Variants in RBFOX1 observed in about 807,000 individuals in gnomAD.
RBFOX1 encodes the protein RNA binding fox-1 homolog 1.
A neutral mutation model predicts 57.7 loss-of-function variants in RBFOX1; 8 were observed. The observed-to-expected ratio is 0.14, with a 90% confidence interval of 0.08 to 0.25. RBFOX1 has a LOEUF of 0.25. RBFOX1 is among the 10% of genes least tolerant of loss of function. RBFOX1 has a pLI of 1.00. For missense variants in RBFOX1, 611 were observed against 548.5 expected, an observed-to-expected ratio of 1.11 and a Z score of -1.14; for synonymous variants, 326 against 222.4, an observed-to-expected ratio of 1.47 and a Z score of -4.15.
At chr16:6,648,251 C>T (rs991244894) in intron 2 of RBFOX1, among the ~76,000 whole-genome samples, 1 of 151,842 alleles carries the variant, frequency 6.6e-6, no homozygotes, top group Non-Finnish European at 1.5e-5. Context: ...TGTAGAGACA[C>T]TGTCTCCCTA....
At chr16:6,550,319 G>A (rs1197160419) in intron 2 of RBFOX1, among the ~76,000 whole-genome samples, 3 of 152,104 alleles carry the variant, frequency 2.0e-5, no homozygotes, top group Admixed American at 1.3e-4. Flanking sequence ...TGGGTCTACA[G>A]GTGTGTGCCA....
chr16:7,685,431 C>T (rs956955942), intron 14 of RBFOX1, among the ~76,000 whole-genome samples: 1 of 152,036 alleles, frequency 6.6e-6, no homozygotes, highest in African/African-American at 2.4e-5. Context: ...ATGCTAACAT[C>T]GTGTCATTAA....
At chr16:5,631,834 A>C (rs1350505188) in intron 3 of RBFOX1, among the ~76,000 whole-genome samples, 2 of 152,204 alleles carry the variant, frequency 1.3e-5, no homozygotes, top group African/African-American at 4.8e-5. Context: ...TTACAAAGTC[A>C]AAATTTGGCC....
chr16:5,891,567 G>T (rs1208943294), intron 4 of RBFOX1, among the ~76,000 whole-genome samples: 1 of 152,188 alleles, frequency 6.6e-6, no homozygotes, highest in Non-Finnish European at 1.5e-5. Context: ...TAATTGGATG[G>T]ATGAGGTGGC....
chr16:6,596,989 G>C (rs539810499), intron 2 of RBFOX1, among the ~76,000 whole-genome samples: 1 of 152,140 alleles, frequency 6.6e-6, no homozygotes, highest in Non-Finnish European at 1.5e-5. Flanking sequence ...ATGAGCTCTC[G>C]AGAGGGGAAC....
intron 3 of RBFOX1, 84 bp downstream of exon 3, chr16:6,654,734 C>T (rs987547686): frequency 8.8e-6 from 9 of 1,017,988 alleles, no homozygotes; most frequent in Admixed American, 3.1e-5. Context: ...GCATGCCCCT[C>T]TCGATGATGG....
chr16:5,772,462 C>G (rs570479977), intron 3 of RBFOX1, among the ~76,000 whole-genome samples: 1 of 152,172 alleles, frequency 6.6e-6, no homozygotes, highest in Non-Finnish European at 1.5e-5. Flanking sequence ...CTTCTGCACT[C>G]TTGAGTTTAT....
At chr16:5,981,463 G>A (rs578011521) in intron 4 of RBFOX1, among the ~76,000 whole-genome samples, 3 of 152,210 alleles carry the variant, frequency 2.0e-5, no homozygotes, top group African/African-American at 7.2e-5. Flanking sequence ...GTTGTGTGAT[G>A]TTTTATTTTA....
At chr16:7,409,273 C>G (rs1436790179) in intron 4 of RBFOX1, among the ~76,000 whole-genome samples, 1 of 152,194 alleles carries the variant, frequency 6.6e-6, no homozygotes, top group Non-Finnish European at 1.5e-5. Flanking sequence ...GGAGCTTTGT[C>G]CGATCTGCCT....
intron 3 of RBFOX1, among the ~76,000 whole-genome samples, chr16:6,990,177 A>C (rs893393388): frequency 1.3e-5 from 2 of 152,210 alleles, no homozygotes; most frequent in Non-Finnish European, 1.5e-5. Context: ...GTGTTGAAGA[A>C]ATGAATGGAA....
chr16:7,289,639 A>G (rs2095722338), intron 4 of RBFOX1, among the ~76,000 whole-genome samples: 1 of 152,164 alleles, frequency 6.6e-6, no homozygotes, highest in Non-Finnish European at 1.5e-5. Flanking sequence ...CATGATCATG[A>G]TCATCATCAG....
At chr16:7,550,767 C>T (rs2086131142) in intron 5 of RBFOX1, among the ~76,000 whole-genome samples, 1 of 152,018 alleles carries the variant, frequency 6.6e-6, no homozygotes, top group Non-Finnish European at 1.5e-5. Context: ...CCTCAGTATC[C>T]ACAATGACTA....
intron 4 of RBFOX1, among the ~76,000 whole-genome samples, chr16:7,104,489 CAT>C (rs1231439439): frequency 2.0e-5 from 3 of 152,090 alleles, no homozygotes; most frequent in Non-Finnish European, 4.4e-5. Flanking sequence ...AATTTAAAAA[CAT>C]AATCTATTCA....
chr16:6,975,899 G>A (rs1418700521), intron 3 of RBFOX1, among the ~76,000 whole-genome samples: 1 of 152,118 alleles, frequency 6.6e-6, no homozygotes, highest in African/African-American at 2.4e-5. Flanking sequence ...GGCTGAGGTA[G>A]GTGGTCACTT....
At chr16:5,594,226 C>T (rs1462389058) in intron 2 of RBFOX1, among the ~76,000 whole-genome samples, 1 of 152,084 alleles carries the variant, frequency 6.6e-6, no homozygotes, top group Non-Finnish European at 1.5e-5. Context: ...TTTTTTCCAC[C>T]TCCTACATCT....
intron 3 of RBFOX1, among the ~76,000 whole-genome samples, chr16:6,957,191 G>A (rs530427998): frequency 6.7e-6 from 1 of 149,776 alleles, no homozygotes; most frequent in Admixed American, 6.7e-5. Context: ...CAGTGCAGTG[G>A]TGTGATCTCG....
chr16:5,855,753 C>G (rs1045484970), intron 3 of RBFOX1, among the ~76,000 whole-genome samples: 2 of 151,724 alleles, frequency 1.3e-5, no homozygotes, highest in African/African-American at 4.8e-5. Flanking sequence ...TTTTCTATTT[C>G]TTTGGAATTT....
chr16:7,552,114 G>A (rs976431106), intron 5 of RBFOX1, among the ~76,000 whole-genome samples: 3 of 152,080 alleles, frequency 2.0e-5, no homozygotes, highest in African/African-American at 7.2e-5. Context: ...TCCACCACCC[G>A]TTTTTAATTC....
chr16:7,014,247 G>C (rs1385317675), intron 3 of RBFOX1, among the ~76,000 whole-genome samples: 1 of 152,056 alleles, frequency 6.6e-6, no homozygotes, highest in East Asian at 1.9e-4. Context: ...GTCTCGCTCT[G>C]TCGCCCAGGC....
Sources: gnomAD v4.1 joint callset for allele counts (sites outside exome capture counted in the v4.1 genomes callset) on GRCh38, gnomAD v4.1.1 for gene constraint, MANE v1.5 for transcripts, NCBI Gene and HGNC (gene_info 2026-07-23, HGNC 2026-07-21) for gene names.